Variants in CRADD observed in about 807,000 individuals in gnomAD.
The protein encoded by CRADD is CARD and death domain containing adaptor protein.
In CRADD, 9 loss-of-function variants were observed where a neutral mutation model predicts 15.5. That is an observed-to-expected ratio of 0.58 (90% CI 0.35 to 1.01). CRADD has a LOEUF of 1.01. CRADD is among the 50% of genes least tolerant of loss of function. CRADD has a pLI of 0.02. For missense variants in CRADD, 227 were observed against 250.3 expected (o/e 0.91, Z 0.63); for synonymous variants, 118 against 107.6 (o/e 1.10, Z -0.60).
At chr12:93,695,646 T>C (rs1955686701) in intron 2 of CRADD, among the ~76,000 whole-genome samples, 1 of 152,220 alleles carries the variant, frequency 6.6e-6, no homozygotes, top group South Asian at 2.1e-4. Context: ...TTCATGCGTG[T>C]AATCCCAGCA....
intron 2 of CRADD, among the ~76,000 whole-genome samples, chr12:93,859,147 T>C (rs1489678497): frequency 1.3e-5 from 2 of 152,254 alleles, no homozygotes; most frequent in African/African-American, 2.4e-5. Flanking sequence ...CCTGATTGTG[T>C]GTGCAGATGA....
chr12:93,743,967 CTAAA>C (rs775912414), intron 2 of CRADD, among the ~76,000 whole-genome samples: 105 of 152,228 alleles, frequency 6.9e-4, no homozygotes, highest in Non-Finnish European at 9.7e-4. Flanking sequence ...GCTGAAATCA[CTAAA>C]TAAAGATAAA....
chr12:93,723,839 G>A (rs551223966), intron 2 of CRADD, among the ~76,000 whole-genome samples: 3 of 152,226 alleles, frequency 2.0e-5, no homozygotes, highest in African/African-American at 4.8e-5. Context: ...GGACAGGGTC[G>A]CTAGACTCGG....
downstream of CRADD, among the ~76,000 whole-genome samples, chr12:93,852,458 C>A (rs1167154697): frequency 1.3e-5 from 2 of 152,232 alleles, no homozygotes; most frequent in East Asian, 1.9e-4. Context: ...GCCGAGGGGG[C>A]CCTTAGAGAC....
chr12:93,734,745 G>C (rs146277600), intron 2 of CRADD, among the ~76,000 whole-genome samples: 370 of 152,262 alleles, frequency 2.4e-3, no homozygotes, highest in African/African-American at 8.4e-3. Context: ...TGACCTCAGA[G>C]GTATTGTGTT....
chr12:93,781,988 A>G (rs1957215401), intron 2 of CRADD, among the ~76,000 whole-genome samples: 1 of 152,176 alleles, frequency 6.6e-6, no homozygotes, highest in Non-Finnish European at 1.5e-5. Flanking sequence ...CCATCCCATT[A>G]CTGGGTATAT....
chr12:93,821,876 G>T (rs1024931570), intron 2 of CRADD, among the ~76,000 whole-genome samples: 4 of 152,138 alleles, frequency 2.6e-5, no homozygotes, highest in African/African-American at 9.7e-5. Context: ...CCAGCACTTT[G>T]CGAGGCCAAG....
intron 2 of CRADD, among the ~76,000 whole-genome samples, chr12:93,834,753 G>A (rs1348117507): frequency 6.6e-6 from 1 of 152,216 alleles, no homozygotes; most frequent in Admixed American, 6.5e-5. Flanking sequence ...CTCCCAAAGT[G>A]CTGGGATTAC....
chr12:93,754,395 G>A (rs1228224130), intron 2 of CRADD, among the ~76,000 whole-genome samples: 3 of 152,244 alleles, frequency 2.0e-5, no homozygotes, highest in African/African-American at 7.2e-5. Flanking sequence ...ACTTATGCAA[G>A]TTTCTGCAGC....
intron 2 of CRADD, among the ~76,000 whole-genome samples, chr12:93,717,059 T>C (rs1956175213): frequency 6.6e-6 from 1 of 152,246 alleles, no homozygotes; most frequent in Non-Finnish European, 1.5e-5. Context: ...GAGTTTTGGA[T>C]TGTGACCGTC....
At chr12:93,833,854 C>A (rs571918358) in intron 2 of CRADD, among the ~76,000 whole-genome samples, 24 of 151,844 alleles carry the variant, frequency 1.6e-4, no homozygotes, top group East Asian at 1.9e-4. Context: ...TTGTGGTAGG[C>A]ACTGTTGCTG....
At chr12:93,699,963 C>T (rs1171489975) in intron 2 of CRADD, among the ~76,000 whole-genome samples, 1 of 152,168 alleles carries the variant, frequency 6.6e-6, no homozygotes, top group African/African-American at 2.4e-5. Context: ...GCAGAGCATG[C>T]AGCATGAAGG....
chr12:93,706,779 C>A (rs368154766), intron 2 of CRADD, among the ~76,000 whole-genome samples: 2 of 152,218 alleles, frequency 1.3e-5, no homozygotes, highest in African/African-American at 4.8e-5. Context: ...AAAATCATTT[C>A]AGAAATTCTT....
chr12:93,847,234 G>A (rs1237398877), intron 2 of CRADD, among the ~76,000 whole-genome samples: 4 of 152,078 alleles, frequency 2.6e-5, no homozygotes, highest in Non-Finnish European at 5.9e-5. Flanking sequence ...GGATGACTAA[G>A]TTGGTATCAG....
chr12:93,744,265 AG>A (rs1186711770), intron 2 of CRADD, among the ~76,000 whole-genome samples: 1 of 152,184 alleles, frequency 6.6e-6, no homozygotes, highest in African/African-American at 2.4e-5. Flanking sequence ...GGCAGAATTT[AG>A]TTCCATGTGG....
chr12:93,842,355 C>T (rs1359797607), intron 2 of CRADD, among the ~76,000 whole-genome samples: 9 of 152,154 alleles, frequency 5.9e-5, no homozygotes, highest in Admixed American at 5.9e-4. Flanking sequence ...CACAGAGATT[C>T]GTTAGAAGAC....
chr12:93,870,645 G>C (rs1196340575), intron 2 of CRADD, among the ~76,000 whole-genome samples: 1 of 152,172 alleles, frequency 6.6e-6, no homozygotes, highest in African/African-American at 2.4e-5. Flanking sequence ...CTACACCCCA[G>C]CCAACTCATA....
intron 2 of CRADD, among the ~76,000 whole-genome samples, chr12:93,813,362 T>C (rs1253054835): frequency 1.3e-5 from 2 of 152,264 alleles, no homozygotes; most frequent in Admixed American, 6.5e-5. Context: ...TTTGTGCCCT[T>C]ATCTTCCACA....
At chr12:93,866,243 C>T (rs1958366428) in intron 2 of CRADD, among the ~76,000 whole-genome samples, 2 of 151,990 alleles carry the variant, frequency 1.3e-5, no homozygotes, top group Admixed American at 6.6e-5. Flanking sequence ...CTTTTTATCT[C>T]TTTCTATGAC....
Sources: allele counts gnomAD v4.1 joint callset (sites outside exome capture counted in the v4.1 genomes callset), GRCh38; gene constraint gnomAD v4.1.1; transcripts MANE v1.5; gene names NCBI Gene and HGNC (gene_info 2026-07-23, HGNC 2026-07-21).